The following WNT5A variants were observed in gnomAD, a reference collection of about 807,000 sequenced individuals.
WNT5A encodes Wnt family member 5A, also known as protein Wnt-5a.
WNT5A carries 9 observed loss-of-function variants against 42.1 expected under a neutral mutation model. The ratio of observed to expected loss-of-function variants is 0.21; its 90% confidence interval spans 0.13 to 0.37. WNT5A has a LOEUF of 0.37. WNT5A is among the 10% of genes least tolerant of loss of function. WNT5A has a pLI of 1.00. For missense variants in WNT5A, 426 were observed against 534.0 expected, an observed-to-expected ratio of 0.80 and a Z score of 1.99; for synonymous variants, 210 against 210.0, an observed-to-expected ratio of 1.00 and a Z score of 0.00.
intron 1 of WNT5A, among the ~76,000 whole-genome samples, chr3:55,484,342 G>A (rs1226519516): frequency 6.6e-6 from 1 of 152,206 alleles, no homozygotes; most frequent in Admixed American, 6.5e-5. Flanking sequence ...GCTAAAGAAT[G>A]GGCCGGCCCA....
At chr3:55,475,162 T>A (rs1418225820) in intron 3 of WNT5A, among the ~76,000 whole-genome samples, 1 of 152,204 alleles carries the variant, frequency 6.6e-6, no homozygotes, top group African/African-American at 2.4e-5. Context: ...GCAACTCTTT[T>A]GAAAATAGTC....
At chr3:55,470,818 G>C (rs1456294193) in intron 4 of WNT5A, among the ~76,000 whole-genome samples, 3 of 152,148 alleles carry the variant, frequency 2.0e-5, no homozygotes, top group Non-Finnish European at 4.4e-5. Flanking sequence ...AATTGTTCCA[G>C]CTGTATTTTT....
At chr3:55,479,709 T>G in intron 2 of WNT5A, 145 bp from the exon 3 acceptor site, 1 of 1,184,136 alleles carries the variant, frequency 8.4e-7, no homozygotes, top group East Asian at 2.4e-5. Context: ...GAGAAGGGCT[T>G]CATAAAACTC....
Position 55,466,895 on chromosome 3 carries a change from T to C in WNT5A, c.*3197A>G, listed in dbSNP as rs2051152634. 6.7e-6 allele frequency: 1 copy of C among 149,824 alleles called. No individual in the cohort carries two copies. Among genetic ancestry groups the C allele is most frequent in the Non-Finnish European group, 1.5e-5 (1 of 66,418 alleles). 9.3% of individuals were successfully genotyped at this position (149,824 alleles called of 1,614,324 possible). ...TGTTTTTTTGTGGAATAATGCATTC[T>C]TGGCATCCTTAAAAGGTTTCAATAT... On this transcript the variant is annotated 3_prime_UTR_variant, in exon 5 of 5. Coordinates refer to ENST00000264634, the MANE Select transcript of WNT5A (RefSeq NM_003392.7).
chr3:55,480,974 T>A, intron 1 of WNT5A, 56 bp from the exon 2 acceptor site: 1 of 1,383,630 alleles, frequency 7.2e-7, no homozygotes, highest in Non-Finnish European at 9.4e-7. Context: ...TTTTCAAGCA[T>A]ACAAGTTTAA....
chr3:55,498,535 A>C, the WNT5A span, among the ~76,000 whole-genome samples: 19 of 152,330 alleles, frequency 1.2e-4, no homozygotes, highest in Non-Finnish European at 2.5e-4. Context: ...ACAAAGGATT[A>C]TGACAGCTAC....
chr3:55,494,558 G>C (rs545293498), upstream of WNT5A, among the ~76,000 whole-genome samples: 1 of 151,626 alleles, frequency 6.6e-6, no homozygotes, highest in South Asian at 2.1e-4. Context: ...TCTTTTTTTT[G>C]ATAGAGTCTC....
chr3:55,497,239 G>A, the WNT5A span: 52,844 of 152,188 alleles, frequency 0.35, 12,422 homozygotes, highest in African/African-American at 0.68. Flanking sequence ...ATGGGCTGTC[G>A]TTAGGCCTGT....
At chr3:55,501,551 A>T in the WNT5A span, 1 of 152,248 alleles carries the variant, frequency 6.6e-6, no homozygotes, top group Non-Finnish European at 1.5e-5. Flanking sequence ...GAAAAGATGA[A>T]CATAAATGAT....
Position 55,470,341 on chromosome 3 carries a change from G to C in WNT5A, c.894C>G (p.Asp298Glu). 2 of 1,614,084 alleles carry C rather than the reference G, an allele frequency of 1.2e-6. No homozygotes were observed. The highest frequency in any genetic ancestry group is 1.7e-6 in the Non-Finnish European group (2 of 1,179,912). ...CAGGGCTGGGGTCGATGTAGACCAG[G>C]TCTTGTGTGGTGGGCGAGTTGAAGC... Reference protein sequence around the residue: ...NSRFNSPTTQDLVYIDPSPDY... With the variant: ...NSRFNSPTTQELVYIDPSPDY... The change falls in exon 5 of 5, where the codon GAC becomes GAG. Residue 298 changes from aspartate (D) to glutamate (E), a missense_variant. Physicochemically the swap from Asp to Glu is conservative, Grantham distance 45 (BLOSUM62 2). This residue lies in a region of WNT5A where 358 missense variants were observed against 468.1 expected (regional missense o/e 0.76). Coordinates refer to ENST00000264634, the MANE Select transcript of WNT5A (RefSeq NM_003392.7).
At position 55,474,353 on chromosome 3, in the gene WNT5A, T is replaced by C. The variant is rs2051308142; in HGVS notation, c.668A>G (p.Asn223Ser). The change falls in exon 4 of 5, where the codon AAC becomes AGC. Residue 223 changes from asparagine to serine, a missense_variant. By Grantham distance (46) the Asn-to-Ser change is conservative. Around this residue, in one of 3 missense-constraint regions of WNT5A, gnomAD observed 358 missense variants for 468.1 expected, o/e 0.76. Coordinates refer to ENST00000264634, the MANE Select transcript of WNT5A (RefSeq NM_003392.7). ...GGCACTCACCCTGCGGCCGGCCTCG[T>C]TGTTGTGCAGGTTCATGAGGATGCG... ...SARILMNLHNNEAGRRTVYNL... is the reference protein window; with the variant it reads ...SARILMNLHNSEAGRRTVYNL... The C allele has an allele frequency of 1.2e-6, 2 of 1,612,664 alleles. No individual in the cohort carries two copies. Among genetic ancestry groups the C allele is most frequent in the Non-Finnish European group, 1.7e-6 (2 of 1,179,758 alleles).
rs886058733 is a variant in WNT5A, at chr3:55,466,152, CAG to C, written c.*3938_*3939del. 8 of 152,164 alleles carry C rather than the reference CAG, an allele frequency of 5.3e-5. No individual in the cohort carries two copies. In the South Asian group the frequency reaches 8.3e-4, roughly 16 times the overall value. 9.4% of individuals were successfully genotyped at this position (152,164 alleles called of 1,614,324 possible). ...ACGGCATCTCTCTTTCACCATTCCA[CAG>C]AGAGAGAAAAGACTAGAAAATACTT... On this transcript the variant is annotated 3_prime_UTR_variant, in exon 5 of 5. Coordinates refer to ENST00000264634, the MANE Select transcript of WNT5A (RefSeq NM_003392.7).
chr3:55,487,636 A>T (rs2051602501), upstream of WNT5A: 1 of 152,612 alleles, frequency 6.6e-6, no homozygotes, highest in African/African-American at 2.4e-5. Context: ...TGCAGCCGCG[A>T]GTTAGTGTGG....
chr3:55,497,068 G>A, the WNT5A span, among the ~76,000 whole-genome samples: 31 of 152,262 alleles, frequency 2.0e-4, no homozygotes, highest in East Asian at 5.6e-3. Context: ...AGTATTGTAC[G>A]TGCCAGATCA....
rs1208518230 is a variant in WNT5A, at chr3:55,487,232, C to A, written c.-247G>T. 2 of 493,706 alleles carry A rather than the reference C, an allele frequency of 4.1e-6. No individual in the cohort carries two copies. The highest frequency in any genetic ancestry group is 6.8e-5 in the South Asian group (2 of 29,484). The allele number at this position is 493,706 out of a possible 1,614,324, so 30.6% of individuals were successfully genotyped here. A position where few individuals can be genotyped will look rare whatever the true frequency, so the allele number is the denominator to read the frequency against. ...GGAGGGGGCGCGGACGCGCGCGAGC[C>A]GGCAGCAAGGGCAGGGCCTGGTCGG... is the stretch of plus-strand genomic sequence containing the variant. On this transcript the variant is annotated 5_prime_UTR_variant, in exon 1 of 5. Coordinates refer to ENST00000264634, the MANE Select transcript of WNT5A (RefSeq NM_003392.7).
intron 3 of WNT5A, among the ~76,000 whole-genome samples, chr3:55,478,823 A>C (rs1296004674): frequency 6.6e-6 from 1 of 152,208 alleles, no homozygotes; most frequent in Non-Finnish European, 1.5e-5. Flanking sequence ...ATATCTTTAT[A>C]GCCTCAGGAA....
chr3:55,497,911 C>A, the WNT5A span, among the ~76,000 whole-genome samples: 2 of 152,184 alleles, frequency 1.3e-5, no homozygotes, highest in African/African-American at 2.4e-5. Flanking sequence ...CAAGACAATT[C>A]TTCCAGAAGA....
chr3:55,476,765 T>C (rs751248470), intron 3 of WNT5A, among the ~76,000 whole-genome samples: 1 of 152,240 alleles, frequency 6.6e-6, no homozygotes, highest in Non-Finnish European at 1.5e-5. Flanking sequence ...TCATCCTGGT[T>C]GGAATACTGC....
Position 55,469,581 on chromosome 3 carries a change from G to C in WNT5A, c.*511C>G, listed in dbSNP as rs1297833254. On this transcript the variant is annotated 3_prime_UTR_variant, in exon 5 of 5. Transcript: ENST00000264634. ...GCAAGCTAGCAGCCCTGCTGGGGAA[G>C]GGAGGTTTGTTTTGTTTTGTTTTGT... is the stretch of plus-strand genomic sequence containing the variant. 6.5e-6 allele frequency: 1 copy of C among 152,800 alleles called. No homozygotes were observed. The highest frequency in any genetic ancestry group is 1.5e-5 in the Non-Finnish European group (1 of 68,510). The allele number at this position is 152,800 out of a possible 1,614,324, so 9.5% of individuals were successfully genotyped here.
Sources: allele counts gnomAD v4.1 joint callset (sites outside exome capture counted in the v4.1 genomes callset), GRCh38; gene constraint gnomAD v4.1.1; regional missense constraint gnomAD v4.1.1; transcripts MANE v1.5; gene names NCBI Gene and HGNC (gene_info 2026-07-23, HGNC 2026-07-21).